Variants in DEPDC4 observed in about 807,000 individuals in gnomAD.
DEPDC4 encodes DEP domain containing 4.
In DEPDC4, 52 loss-of-function variants were observed where a neutral mutation model predicts 52.0. That is an observed-to-expected ratio of 1.00 (90% CI 0.80 to 1.26). The LOEUF (loss-of-function observed/expected upper bound fraction) is 1.26, where lower values mean the gene tolerates loss of function less well. Among genes scored for constraint, DEPDC4 ranks in the 50% most tolerant of loss-of-function variants. The probability of loss-of-function intolerance (pLI) is 0.00; values close to 1 mark genes in which losing one functional copy is unlikely to be tolerated. For missense variants in DEPDC4, 530 were observed against 546.9 expected (o/e 0.97, Z 0.31); for synonymous variants, 201 against 196.8 (o/e 1.02, Z -0.18).
At position 100,244,093 on chromosome 12, in the gene DEPDC4, G is replaced by GTATATATATATATA. The variant is rs775573664; in HGVS notation, c.1454-1525_1454-1524insTATATATATATATA. Among the ~76,000 whole-genome samples the GTATATATATATATA allele has an allele frequency of 4.2e-3, 378 of 89,274 alleles. 50 individuals are homozygous for GTATATATATATATA. The highest frequency in any genetic ancestry group is 8.3e-3 in the South Asian group (16 of 1,922). The allele number at this position is 89,274 out of a possible 152,430, so 58.6% of individuals were successfully genotyped here. On this transcript the variant is annotated intron_variant, in intron 8 of 9. Transcript: ENST00000550587. The stretch of plus-strand genomic sequence containing the variant: ...TCCCTCTCTCTCTCTCTCTCTCTCT[G>GTATATATATATATA]TGTATATATATATATATATATATAT...
At chr12:100,275,873 G>GT in the DEPDC4 span, among the ~76,000 whole-genome samples, 2 of 152,154 alleles carry the variant, frequency 1.3e-5, no homozygotes, top group East Asian at 3.8e-4. Context: ...TTTCCTAAGA[G>GT]TTTTTATTAT....
At chr12:100,276,373 C>T in the DEPDC4 span, among the ~76,000 whole-genome samples, 13 of 152,218 alleles carry the variant, frequency 8.5e-5, no homozygotes, top group Non-Finnish European at 4.4e-5. Context: ...CTCTTTGTCA[C>T]GCAGGCCAGA....
At chr12:100,252,657 C>A (rs1592886988) in intron 5 of DEPDC4, 121 bp from the exon 6 acceptor site, 2 of 946,502 alleles carry the variant, frequency 2.1e-6, no homozygotes, top group Non-Finnish European at 3.0e-6. Context: ...TTCTTTTCTA[C>A]AATTAAAATT....
the DEPDC4 span, among the ~76,000 whole-genome samples, chr12:100,277,385 T>A: frequency 1.3e-5 from 2 of 152,206 alleles, no homozygotes; most frequent in Non-Finnish European, 2.9e-5. Context: ...TATGAATTTG[T>A]CTATTTCTTC....
upstream of DEPDC4, among the ~76,000 whole-genome samples, chr12:100,268,405 T>C (rs2096282469): frequency 6.6e-6 from 1 of 152,232 alleles, no homozygotes; most frequent in Admixed American, 6.5e-5. Context: ...AGGTTTGTTG[T>C]TGTTTGGTTT....
At chr12:100,239,921 C>T (rs571600408), downstream of DEPDC4, among the ~76,000 whole-genome samples, 7 of 152,212 alleles carry the variant, frequency 4.6e-5, no homozygotes, top group East Asian at 1.4e-3. Context: ...TCAAGGGATC[C>T]TCCTGCTTCA....
chr12:100,279,106 T>C, the DEPDC4 span, among the ~76,000 whole-genome samples: 1 of 152,224 alleles, frequency 6.6e-6, no homozygotes, highest in African/African-American at 2.4e-5. Flanking sequence ...ATAGCAGCAG[T>C]CCCCAACCTT....
chr12:100,244,126 T>TATATATATATAC (rs1236326139), intron 8 of DEPDC4, among the ~76,000 whole-genome samples: 2 of 114,542 alleles, frequency 1.7e-5, no homozygotes, highest in Non-Finnish European at 3.4e-5. Flanking sequence ...TATATATATA[T>TATATATATATAC]ATATATATAC....
At chr12:100,242,343 T>G (rs1170912346) in intron 9 of DEPDC4, 143 bp downstream of exon 9, 1 of 150,138 alleles carries the variant, frequency 6.7e-6, no homozygotes, top group Non-Finnish European at 1.5e-5. Context: ...TTTTTTTTTT[T>G]GCCTATCTTC....
the DEPDC4 span, among the ~76,000 whole-genome samples, chr12:100,279,705 GT>G: frequency 6.6e-6 from 1 of 152,126 alleles, no homozygotes; most frequent in African/African-American, 2.4e-5. Flanking sequence ...GTTCTTACAG[GT>G]TTCTGCTGAT....
intron 3 of DEPDC4, among the ~76,000 whole-genome samples, chr12:100,261,922 C>G (rs1243011605): frequency 6.6e-6 from 1 of 152,130 alleles, no homozygotes; most frequent in Non-Finnish European, 1.5e-5. Flanking sequence ...ATTTTTAGGG[C>G]ACTGAAACTA....
chr12:100,278,188 GT>G, the DEPDC4 span, among the ~76,000 whole-genome samples: 1 of 151,684 alleles, frequency 6.6e-6, no homozygotes, highest in African/African-American at 2.4e-5. Flanking sequence ...AAAACTTTAA[GT>G]TTTTTTTGTT....
chr12:100,263,746 C>T lies in DEPDC4; in HGVS notation c.305G>A (p.Ser102Asn). ...TGSDAVDVVL[S>N]HLMQNTCLSS... ...TAGGCACGTGTTTTGCATAAGATGA[C>T]TTAAGACCACATCGACAGCATCAGA... The change falls in exon 2 of 10, where the codon AGT becomes AAT. Residue 102 changes from serine to asparagine, a missense_variant. Ser to Asn is a conservative substitution (Grantham distance 46, BLOSUM62 1). Transcript: ENST00000550587. 1.2e-6 allele frequency: 2 copies of T among 1,614,100 alleles called. No homozygotes were observed. Among genetic ancestry groups the T allele is most frequent in the South Asian group, 2.2e-5 (2 of 91,084 alleles).
At chr12:100,259,647 G>A (rs1164037189) in intron 3 of DEPDC4, among the ~76,000 whole-genome samples, 5 of 152,124 alleles carry the variant, frequency 3.3e-5, no homozygotes, top group African/African-American at 9.7e-5. Context: ...GGAAGTATTC[G>A]TAAGATAGAT....
At position 100,232,213 on chromosome 12, in the gene DEPDC4, G is replaced by A. The variant is rs567331650; in HGVS notation, c.*699+5755C>T. Among the ~76,000 whole-genome samples the A allele has an allele frequency of 2.5e-3, 372 of 151,834 alleles. 1 individual carries two copies. Among genetic ancestry groups the A allele is most frequent in the Non-Finnish European group, 3.8e-3 (259 of 67,936 alleles). ...TTGAGACCAGCCTGGCCAACATGGT[G>A]AAACCCTGTCTCTACTAAAAAACAA... On this transcript the variant is annotated intron_variant and NMD_transcript_variant, in intron 9 of 10. Transcript: ENST00000378244.
At chr12:100,252,831 C>T (rs7962842) in intron 5 of DEPDC4, among the ~76,000 whole-genome samples, 59,653 of 152,160 alleles carry the variant, frequency 0.39, 14,408 homozygotes, top group African/African-American at 0.67. Context: ...ACTCAATTTT[C>T]ATTTTGCTAA....
rs2096212626 is a variant in DEPDC4, at chr12:100,252,533, T to C, written c.1109A>G (p.Asn370Ser). 2 of 1,598,686 alleles carry C rather than the reference T, an allele frequency of 1.3e-6. No homozygotes were observed. The highest frequency in any genetic ancestry group is 4.5e-5 in the East Asian group (2 of 44,714). ...IHSGIIELLE[N>S]EKRAEALEAT... ...TTCAAGTGCTTCTGCTCTTTTCTCA[T>C]TTTCTGTTATATAGGTTACAAAGAA... is the stretch of plus-strand genomic sequence containing the variant. Residue 370 changes from asparagine (N) to serine (S), a missense_variant, in exon 6 of 10, where the codon AAT (asparagine) becomes AGT (serine). Asn to Ser is a conservative substitution (Grantham distance 46, BLOSUM62 1). Coordinates refer to ENST00000550587, the MANE Select transcript of DEPDC4 (RefSeq NM_001364818.2).
chr12:100,265,112 A>G (rs2096266808), intron 1 of DEPDC4, among the ~76,000 whole-genome samples: 1 of 150,750 alleles, frequency 6.6e-6, no homozygotes, highest in Admixed American at 6.6e-5. Flanking sequence ...TAGCTTGGGC[A>G]ACACAGGGAG....
At chr12:100,281,200 C>T in the DEPDC4 span, among the ~76,000 whole-genome samples, 6 of 151,498 alleles carry the variant, frequency 4.0e-5, no homozygotes, top group Non-Finnish European at 7.4e-5. Context: ...GGCTAATTTT[C>T]GAATTTTTTG....
Sources: allele counts gnomAD v4.1 joint callset (sites outside exome capture counted in the v4.1 genomes callset), GRCh38; gene constraint gnomAD v4.1.1; transcripts MANE v1.5; gene names NCBI Gene and HGNC (gene_info 2026-07-23, HGNC 2026-07-21).